Variants in STARD10 observed in about 807,000 individuals in gnomAD.
The protein encoded by STARD10 is START domain-containing protein 10.
In STARD10, 24 loss-of-function variants were observed where a neutral mutation model predicts 36.0. That is an observed-to-expected ratio of 0.67 (90% CI 0.48 to 0.94). The LOEUF is 0.94. Among genes scored for constraint, STARD10 ranks in the 40% least tolerant of loss-of-function variants. STARD10 has a pLI of 0.00. For missense variants in STARD10, 335 were observed against 396.6 expected (o/e 0.84, Z 1.32); for synonymous variants, 156 against 161.9 (o/e 0.96, Z 0.28).
intron 2 of STARD10, 73 bp from the exon 3 acceptor site, chr11:72,759,454 C>T (rs774760678): frequency 9.5e-5 from 148 of 1,566,084 alleles, no homozygotes; most frequent in Non-Finnish European, 1.2e-4. Flanking sequence ...AGAAGGCAGA[C>T]AGGCAGAGGG....
At chr11:72,774,033 C>T (rs1370880506) in intron 2 of STARD10, among the ~76,000 whole-genome samples, 1 of 152,224 alleles carries the variant, frequency 6.6e-6, no homozygotes, top group African/African-American at 2.4e-5. Context: ...CCTCAAGACT[C>T]ATCACCTCTC....
At position 72,781,427 on chromosome 11, in the gene STARD10, C is replaced by G. The variant is rs1251655009; in HGVS notation, c.-113-133G>C. 5.6e-6 allele frequency: 3 copies of G among 533,306 alleles called. No homozygotes were observed. The highest frequency in any genetic ancestry group is 1.9e-5 in the African/African-American group (1 of 52,372). The allele number at this position is 533,306 out of a possible 1,614,324, so 33.0% of individuals were successfully genotyped here. On this transcript the variant is annotated intron_variant, in intron 1 of 6. Coordinates refer to ENST00000334805, the MANE Select transcript of STARD10 (RefSeq NM_006645.3). This position sits in a 1 kb window ranked among gnomAD's most constrained non-coding sequence, Gnocchi z 4.7. ...GAAGGGCGGACGGGCGCTGGACAGC[C>G]TCGGGGTCCCCCTCCCGAGGAGCGC... is the stretch of plus-strand genomic sequence containing the variant.
intron 1 of STARD10, among the ~76,000 whole-genome samples, chr11:72,791,202 G>A (rs1217050949): frequency 6.6e-6 from 1 of 152,140 alleles, no homozygotes; most frequent in African/African-American, 2.4e-5. Flanking sequence ...GACTCACCTG[G>A]GGTCACAGTC....
intron 2 of STARD10, among the ~76,000 whole-genome samples, chr11:72,765,568 G>A (rs1858776334): frequency 6.6e-6 from 1 of 152,180 alleles, no homozygotes; most frequent in South Asian, 2.1e-4. Context: ...TTAATGCTTA[G>A]GAGTCTTCAT....
chr11:72,771,541 G>A (rs1398346945), intron 2 of STARD10, among the ~76,000 whole-genome samples: 1 of 152,178 alleles, frequency 6.6e-6, no homozygotes, highest in African/African-American at 2.4e-5. Context: ...GTAGTGGAGA[G>A]TAGAGATGTT....
chr11:72,783,126 C>G (rs2135626631), intron 1 of STARD10, among the ~76,000 whole-genome samples: 1 of 152,266 alleles, frequency 6.6e-6, no homozygotes. Flanking sequence ...GAGGATTTGT[C>G]ACGGTGCTTC....
At chr11:72,755,170 G>A in intron 6 of STARD10, 28 bp from the exon 7 acceptor site, 7 of 1,594,932 alleles carry the variant, frequency 4.4e-6, no homozygotes, top group Non-Finnish European at 6.0e-6. Flanking sequence ...CGCCGGGTCA[G>A]GGGGTGGCTA....
At chr11:72,783,844 C>G (rs908047974) in intron 1 of STARD10, among the ~76,000 whole-genome samples, 6 of 152,100 alleles carry the variant, frequency 3.9e-5, no homozygotes, top group African/African-American at 1.4e-4. Flanking sequence ...ACTTCCCCAC[C>G]CTAGAGAGCT....
At chr11:72,772,555 G>A (rs1209761515) in intron 2 of STARD10, among the ~76,000 whole-genome samples, 1 of 152,134 alleles carries the variant, frequency 6.6e-6, no homozygotes, top group Non-Finnish European at 1.5e-5. Context: ...TTGGACCCCT[G>A]TAGCCACATC....
intron 2 of STARD10, among the ~76,000 whole-genome samples, chr11:72,765,742 G>A (rs1041027481): frequency 4.6e-5 from 7 of 151,308 alleles, no homozygotes; most frequent in Non-Finnish European, 7.4e-5. Flanking sequence ...AGGCCGAGGC[G>A]GGTGGATCAT....
chr11:72,777,400 C>T (rs1382350871), intron 2 of STARD10, among the ~76,000 whole-genome samples: 1 of 152,258 alleles, frequency 6.6e-6, no homozygotes, highest in African/African-American at 2.4e-5. Flanking sequence ...CCCAAGGTCA[C>T]ATGCAACAGC....
At chr11:72,771,979 C>T (rs1030659717) in intron 2 of STARD10, among the ~76,000 whole-genome samples, 5 of 152,164 alleles carry the variant, frequency 3.3e-5, no homozygotes, top group African/African-American at 4.8e-5. Flanking sequence ...CCAGGGCTTC[C>T]GGGATCACCA....
intron 3 of STARD10, among the ~76,000 whole-genome samples, chr11:72,758,867 C>T (rs1281936898): frequency 6.6e-6 from 1 of 152,232 alleles, no homozygotes; most frequent in South Asian, 2.1e-4. Context: ...ATAGCCCTTA[C>T]ATTGTTGGCC....
chr11:72,755,614 A>G, intron 6 of STARD10, 87 bp downstream of exon 6: 1 of 1,483,368 alleles, frequency 6.7e-7, no homozygotes, highest in Non-Finnish European at 9.4e-7. Flanking sequence ...CCTGGCCCTC[A>G]GGCTCCAGGC....
chr11:72,780,340 C>A, intron 2 of STARD10: 1 of 410,232 alleles, frequency 2.4e-6, no homozygotes, highest in South Asian at 1.7e-5. Context: ...TCCCTTGACC[C>A]CAGGCCCCTT....
intron 1 of STARD10, chr11:72,790,285 A>T (rs1007557907): frequency 3.3e-5 from 5 of 152,274 alleles, no homozygotes; most frequent in African/African-American, 4.8e-5. Context: ...CTGTGGGCAG[A>T]GCCCTCACCT....
At chr11:72,764,901 A>G (rs974086250) in intron 2 of STARD10, among the ~76,000 whole-genome samples, 71 of 152,178 alleles carry the variant, frequency 4.7e-4, no homozygotes, top group African/African-American at 1.6e-3. Context: ...TCCACCAAGG[A>G]GCCATGCTGG....
intron 2 of STARD10, among the ~76,000 whole-genome samples, chr11:72,778,784 G>A (rs1304896028): frequency 6.6e-6 from 1 of 152,206 alleles, no homozygotes; most frequent in Non-Finnish European, 1.5e-5. Context: ...CTGCATCCCA[G>A]GGGCAGGAGG....
At chr11:72,764,815 C>T (rs948899847) in intron 2 of STARD10, among the ~76,000 whole-genome samples, 3 of 152,210 alleles carry the variant, frequency 2.0e-5, no homozygotes, top group Non-Finnish European at 4.4e-5. Context: ...ATGTTGCCGT[C>T]AGGTGTTGCC....
Sources: gnomAD v4.1 joint callset for allele counts (sites outside exome capture counted in the v4.1 genomes callset) on GRCh38, gnomAD v4.1.1 for gene constraint, Gnocchi (gnomAD v3.1) non-coding constraint, MANE v1.5 for transcripts, NCBI Gene and HGNC (gene_info 2026-07-23, HGNC 2026-07-21) for gene names.